CDH13: variants seen among roughly 807,000 people sequenced by gnomAD.
The protein encoded by CDH13 is cadherin-13.
CDH13 carries 24 observed loss-of-function variants against 63.8 expected under a neutral mutation model. The ratio of observed to expected loss-of-function variants is 0.38; its 90% CI spans 0.27 to 0.53. The LOEUF is 0.53. Ranked by LOEUF, CDH13 falls within the 20% of genes least tolerant of loss-of-function variation. The pLI is 0.85. For missense variants in CDH13, 1,049 were observed against 903.1 expected (o/e 1.16, Z -2.07); for synonymous variants, 503 against 355.3 (o/e 1.42, Z -4.67).
At chr16:82,943,047 G>T (rs547385267) in intron 2 of CDH13, among the ~76,000 whole-genome samples, 1 of 152,152 alleles carries the variant, frequency 6.6e-6, no homozygotes, top group Non-Finnish European at 1.5e-5. Context: ...CTCTGCCTTA[G>T]CACTATCAAT....
chr16:83,729,399 C>T (rs1051633299), intron 10 of CDH13, among the ~76,000 whole-genome samples: 1 of 151,788 alleles, frequency 6.6e-6, no homozygotes, highest in Non-Finnish European at 1.5e-5. Flanking sequence ...TTTTTATTGC[C>T]AAAAAAATTT....
intron 2 of CDH13, among the ~76,000 whole-genome samples, chr16:83,014,750 A>G (rs1205548548): frequency 2.8e-5 from 1 of 36,328 alleles, no homozygotes; most frequent in Admixed American, 3.6e-4. Context: ...AAAAATATAT[A>G]TATATATATA....
At chr16:83,150,120 C>G (rs540827006) in intron 4 of CDH13, among the ~76,000 whole-genome samples, 1 of 152,154 alleles carries the variant, frequency 6.6e-6, no homozygotes, top group African/African-American at 2.4e-5. Flanking sequence ...TTACTTCACC[C>G]TGAGTCAAGC....
At position 83,795,278 on chromosome 16, in the gene CDH13, T is replaced by C. The variant is rs566147824; in HGVS notation, c.*248T>C. 74 of 504,698 alleles carry C rather than the reference T, an allele frequency of 1.5e-4. 1 individual carries two copies. The highest frequency in any genetic ancestry group is 1.3e-3 in the African/African-American group (66 of 52,006). 31.3% of individuals were successfully genotyped at this position (504,698 alleles called of 1,614,324 possible). On this transcript the variant is annotated 3_prime_UTR_variant, in exon 14 of 14. Transcript: ENST00000567109. ...CTGAATGTTTAAAGATCATGACATA[T>C]GACTTGATCTTCTGGGAGCAGGAAC...
chr16:83,238,861 C>T (rs574476511), intron 5 of CDH13, among the ~76,000 whole-genome samples: 14 of 152,232 alleles, frequency 9.2e-5, no homozygotes, highest in Admixed American at 3.9e-4. Context: ...TGGACAAGGG[C>T]AAGACAGTCT....
chr16:82,844,277 G>T (rs2039155852), intron 1 of CDH13, among the ~76,000 whole-genome samples: 1 of 152,136 alleles, frequency 6.6e-6, no homozygotes, highest in African/African-American at 2.4e-5. Flanking sequence ...GGATGTAGAT[G>T]ACCTAGCTGG....
At chr16:83,110,700 A>G (rs1426344013) in intron 3 of CDH13, among the ~76,000 whole-genome samples, 1 of 151,992 alleles carries the variant, frequency 6.6e-6, no homozygotes, top group Admixed American at 6.6e-5. Flanking sequence ...TACATTTCCA[A>G]CTCAGACATC....
At chr16:82,971,238 C>T (rs1272548634) in intron 2 of CDH13, among the ~76,000 whole-genome samples, 1 of 152,214 alleles carries the variant, frequency 6.6e-6, no homozygotes, top group Non-Finnish European at 1.5e-5. Flanking sequence ...TAGTTATCCA[C>T]ATTGACAGCT....
intron 10 of CDH13, among the ~76,000 whole-genome samples, chr16:83,698,788 A>G (rs1905772342): frequency 6.6e-6 from 1 of 152,260 alleles, no homozygotes. Context: ...ATAAAGGGCC[A>G]GATGATAAAC....
chr16:83,451,920 T>C (rs1215673377), intron 6 of CDH13, among the ~76,000 whole-genome samples: 2 of 152,224 alleles, frequency 1.3e-5, no homozygotes, highest in East Asian at 1.9e-4. Context: ...TCAGTGCATC[T>C]GGTATGTGTG....
intron 8 of CDH13, among the ~76,000 whole-genome samples, chr16:83,614,569 C>T (rs1181976312): frequency 6.6e-6 from 1 of 152,184 alleles, no homozygotes. Context: ...TCTCCAGGAT[C>T]CTGGACTCTC....
intron 10 of CDH13, among the ~76,000 whole-genome samples, chr16:83,701,784 G>A (rs535820551): frequency 2.0e-5 from 3 of 152,240 alleles, no homozygotes; most frequent in Admixed American, 6.5e-5. Flanking sequence ...TAGGTATTTC[G>A]CACATCAGCC....
At chr16:82,784,159 T>C (rs1200858994) in intron 1 of CDH13, among the ~76,000 whole-genome samples, 2 of 152,212 alleles carry the variant, frequency 1.3e-5, no homozygotes, top group East Asian at 3.8e-4. Context: ...TTATCCTGCT[T>C]ACCCAACAGC....
intron 5 of CDH13, among the ~76,000 whole-genome samples, chr16:83,290,155 TCTC>T (rs974431603): frequency 1.9e-4 from 29 of 152,312 alleles, no homozygotes; most frequent in African/African-American, 5.5e-4. Flanking sequence ...GTTTGTTCAT[TCTC>T]CTCCTTGCTG....
intron 5 of CDH13, among the ~76,000 whole-genome samples, chr16:83,317,781 C>G (rs2090137824): frequency 6.7e-6 from 1 of 149,638 alleles, no homozygotes; most frequent in Non-Finnish European, 1.5e-5. Context: ...GCCTCAGTGA[C>G]AAAGCGAGAC....
rs147811868 is a variant in CDH13, at chr16:83,704,287, G to C, written c.1538+25826G>C. Among the ~76,000 whole-genome samples, 751 of 152,194 alleles carry C rather than the reference G, an allele frequency of 4.9e-3. 2 individuals are homozygous for C. Among genetic ancestry groups the C allele is most frequent in the Non-Finnish European group, 7.0e-3 (476 of 67,990 alleles). Reference sequence around the variant, plus strand: ...AGGTTGTTAAGGCAAGAGAGATAATGAACAAAAATAACAATCTTACCCTCA... The same window carrying C: ...AGGTTGTTAAGGCAAGAGAGATAATCAACAAAAATAACAATCTTACCCTCA... On this transcript the variant is annotated intron_variant, in intron 10 of 13. Transcript: ENST00000567109.
intron 4 of CDH13, among the ~76,000 whole-genome samples, chr16:83,179,312 C>T (rs957262973): frequency 2.0e-5 from 3 of 151,928 alleles, no homozygotes; most frequent in Non-Finnish European, 4.4e-5. Context: ...TCTCTCAACC[C>T]TATCAGGCAC....
intron 13 of CDH13, among the ~76,000 whole-genome samples, chr16:83,787,397 G>T (rs1404592726): frequency 6.6e-6 from 1 of 152,160 alleles, no homozygotes; most frequent in African/African-American, 2.4e-5. Flanking sequence ...ACGGACTTGA[G>T]GTTAGAGTCA....
At chr16:82,639,298 C>T (rs370056914) in intron 1 of CDH13, 3 of 1,215,774 alleles carry the variant, frequency 2.5e-6, no homozygotes, top group South Asian at 1.4e-5. Context: ...TTGCAACCTT[C>T]AGAACAGGGT....
Sources: gnomAD v4.1 joint callset for allele counts (sites outside exome capture counted in the v4.1 genomes callset) on GRCh38, gnomAD v4.1.1 for gene constraint, MANE v1.5 for transcripts, NCBI Gene and HGNC (gene_info 2026-07-23, HGNC 2026-07-21) for gene names.